Variants in USP47 observed in about 807,000 individuals in gnomAD.
The protein encoded by USP47 is ubiquitin specific peptidase 47, also known as ubiquitin carboxyl-terminal hydrolase 47.
In USP47, 35 loss-of-function variants were observed where a neutral mutation model predicts 165.1. The ratio of observed to expected loss-of-function variants is 0.21; its 90% CI spans 0.16 to 0.28. The LOEUF is 0.28. USP47 is among the 10% of genes least tolerant of loss of function. USP47 has a pLI of 1.00. For missense variants in USP47, 1,277 were observed against 1,607.4 expected (o/e 0.79, Z 3.52); for synonymous variants, 531 against 544.5 (o/e 0.98, Z 0.35).
At chr11:11,938,220 A>AC (rs1462678652) in intron 17 of USP47, 37 bp from the exon 18 acceptor site, 1 of 1,567,774 alleles carries the variant, frequency 6.4e-7, no homozygotes, top group East Asian at 2.2e-5. Context: ...TTAAAAAATA[A>AC]CCTCCAATTC....
chr11:11,880,215 T>C lies in USP47; in HGVS notation c.78T>C (p.Ile26=), dbSNP rs923513175. ...CTGAAGAACCTAGAGTCTTATGTATTATACAAGATACTACTAATTCAAAGA... is the reference window on the plus strand; with the variant it reads ...CTGAAGAACCTAGAGTCTTATGTATCATACAAGATACTACTAATTCAAAGA... The part of the protein sequence containing the change: ...NAAEEPRVLC[I]IQDTTNSKTV... The change falls in exon 2 of 28, where the codon ATT becomes ATC. Residue 26 remains isoleucine (I), a synonymous_variant. Coordinates refer to ENST00000527733, the MANE Select transcript of USP47 (RefSeq NM_001282659.2). The C allele has an allele frequency of 7.5e-6, 11 of 1,469,362 alleles. No individual in the cohort carries two copies. Among genetic ancestry groups the C allele is most frequent in the Non-Finnish European group, 8.9e-6 (10 of 1,121,786 alleles). The allele number at this position is 1,469,362 out of a possible 1,614,324, so 91.0% of individuals were successfully genotyped here.
rs536953221 is a variant in USP47 at position 11,955,932 on chromosome 11, A to AT, written c.3894-67dup. The AT allele has an allele frequency of 3.0e-3, 3,745 of 1,235,118 alleles. 13 individuals carry two copies. The highest frequency in any genetic ancestry group is 3.5e-3 in the Non-Finnish European group (3,162 of 896,670). 76.5% of individuals were successfully genotyped at this position (1,235,118 alleles called of 1,614,324 possible). ...TTATCTTGCTGAGGAGCATCATAGC[A>AT]TTCAAGCATACATTAATAGAGGTGG... is the stretch of plus-strand genomic sequence containing the variant. On this transcript the variant is annotated intron_variant, in intron 27 of 27. Coordinates refer to ENST00000527733, the MANE Select transcript of USP47 (RefSeq NM_001282659.2).
intron 8 of USP47, 41 bp from the exon 9 acceptor site, chr11:11,920,112 TATA>T (rs753425959): frequency 8.7e-6 from 12 of 1,378,972 alleles, no homozygotes; most frequent in Non-Finnish European, 1.9e-6. Flanking sequence ...TTGTCATTAA[TATA>T]ATATTTTAAG....
chr11:11,882,437 GT>G (rs1033170009), intron 2 of USP47, among the ~76,000 whole-genome samples: 2 of 151,908 alleles, frequency 1.3e-5, no homozygotes, highest in African/African-American at 4.8e-5. Context: ...TAATATATTT[GT>G]TTTTTTAAAA....
intron 8 of USP47, among the ~76,000 whole-genome samples, chr11:11,915,134 A>C (rs573896882): frequency 6.6e-6 from 1 of 152,344 alleles, no homozygotes; most frequent in East Asian, 1.9e-4. Context: ...CAAACCATGA[A>C]ATAGTACTTA....
chr11:11,860,573 A>G (rs968720003), intron 1 of USP47, among the ~76,000 whole-genome samples: 6 of 152,352 alleles, frequency 3.9e-5, no homozygotes, highest in Non-Finnish European at 2.9e-5. Context: ...AATAAAATGC[A>G]TGGTAACAGA....
At chr11:11,945,655 G>C (rs547148532) in intron 20 of USP47, among the ~76,000 whole-genome samples, 13 of 150,320 alleles carry the variant, frequency 8.6e-5, no homozygotes, top group African/African-American at 3.0e-4. Flanking sequence ...AATTCGTAAG[G>C]GTCAGTTACA....
intron 2 of USP47, among the ~76,000 whole-genome samples, chr11:11,881,841 C>T (rs967416205): frequency 6.6e-6 from 1 of 152,100 alleles, no homozygotes; most frequent in African/African-American, 2.4e-5. Flanking sequence ...GAGACCTAAT[C>T]AGCTCCTAAG....
chr11:11,944,788 A>G (rs1460380213), intron 20 of USP47, among the ~76,000 whole-genome samples: 2 of 152,196 alleles, frequency 1.3e-5, no homozygotes, highest in East Asian at 3.9e-4. Context: ...TCAACCCATC[A>G]AGGACATTAG....
Position 11,949,950 on chromosome 11 carries a change from A to G in USP47, c.3410A>G (p.Glu1137Gly). 1 of 1,613,148 alleles carries G rather than the reference A, an allele frequency of 6.2e-7. No individual in the cohort carries two copies. Among genetic ancestry groups the G allele is most frequent in the East Asian group, 2.2e-5 (1 of 44,776 alleles). The change falls in exon 23 of 28, where the codon GAG becomes GGG. Residue 1137 changes from glutamate (E) to glycine (G), a missense_variant. Physicochemically the swap from Glu to Gly is moderately conservative, Grantham distance 98. This residue lies in a region of USP47 where 909 missense variants were observed against 1,068.1 expected (regional missense o/e 0.85). Coordinates refer to ENST00000527733, the MANE Select transcript of USP47 (RefSeq NM_001282659.2). ...AKGMTVRQSKEELIPQLREQC... is the reference protein window; with the variant it reads ...AKGMTVRQSKGELIPQLREQC... ...GGAATGACTGTACGGCAATCAAAAG[A>G]GGAATTAATTCCTCAGCTCAGGGAG...
At chr11:11,946,957 A>G (rs527594604) in intron 20 of USP47, among the ~76,000 whole-genome samples, 79 of 152,306 alleles carry the variant, frequency 5.2e-4, no homozygotes, top group South Asian at 3.5e-3. Flanking sequence ...TGACATGGGA[A>G]TGTTGGTTTA....
intron 2 of USP47, among the ~76,000 whole-genome samples, chr11:11,881,549 T>G (rs1279721601): frequency 3.3e-5 from 5 of 152,140 alleles, no homozygotes. Flanking sequence ...TTCCCCTTAG[T>G]TTTATTTTTC....
At chr11:11,945,130 T>G (rs1312874215) in intron 20 of USP47, among the ~76,000 whole-genome samples, 1 of 152,154 alleles carries the variant, frequency 6.6e-6, no homozygotes, top group Non-Finnish European at 1.5e-5. Flanking sequence ...AGAAAAGGTC[T>G]TGTTTGAAAA....
intron 5 of USP47, among the ~76,000 whole-genome samples, chr11:11,902,165 A>G (rs1852273199): frequency 6.6e-6 from 1 of 152,170 alleles, no homozygotes; most frequent in Non-Finnish European, 1.5e-5. Flanking sequence ...TCATTTAACA[A>G]TTTGTTTAAA....
Position 11,936,508 on chromosome 11 carries a change from G to A in USP47, c.2075G>A (p.Gly692Glu). The change falls in exon 17 of 28, where the codon GGA becomes GAA. Residue 692 changes from glycine (G) to glutamate (E), a missense_variant and splice_region_variant. Gly to Glu is a moderately conservative substitution (Grantham distance 98). This residue lies in a region of USP47 where 909 missense variants were observed against 1,068.1 expected (regional missense o/e 0.85). Coordinates refer to ENST00000527733, the MANE Select transcript of USP47 (RefSeq NM_001282659.2). The stretch of plus-strand genomic sequence containing the variant: ...CAGGTTTTCCAATCTTATAAACCTG[G>A]AGGTGAGCAATTTTACACTATTTTT... ...PDQVFQSYKPGEVMVKVHVVD... is the reference protein window; with the variant it reads ...PDQVFQSYKPEEVMVKVHVVD... 7.0e-6 allele frequency: 11 copies of A among 1,574,470 alleles called. No individual in the cohort carries two copies. Among genetic ancestry groups the A allele is most frequent in the Non-Finnish European group, 9.5e-6 (11 of 1,155,914 alleles).
At chr11:11,930,598 G>GT in intron 13 of USP47, 98 bp from the exon 14 acceptor site, 3 of 933,282 alleles carry the variant, frequency 3.2e-6, no homozygotes, top group South Asian at 1.6e-5. Context: ...TTTTCTAATT[G>GT]TTTTTTAAAA....
At chr11:11,889,788 C>T (rs988865142) in intron 3 of USP47, among the ~76,000 whole-genome samples, 1 of 152,152 alleles carries the variant, frequency 6.6e-6, no homozygotes, top group Non-Finnish European at 1.5e-5. Flanking sequence ...AGGCATCATG[C>T]TACCCAAGTT....
At position 11,905,488 on chromosome 11, in the gene USP47, A is replaced by G. The variant is rs1334944466; in HGVS notation, c.909A>G (p.Thr303=). ...GTTATGAGGGCTGGCGAATCGACAC[A>G]TATCTTGATATTCCATTGGTCATCC... ...ECGYEGWRID[T]YLDIPLVIRP... is the part of the protein sequence containing the mutation. The change falls in exon 8 of 28, where the codon ACA becomes ACG. Residue 303 remains threonine (T), a synonymous_variant. Transcript: ENST00000527733. The G allele has an allele frequency of 4.3e-6, 7 of 1,609,978 alleles. No homozygotes were observed. Among genetic ancestry groups the G allele is most frequent in the East Asian group, 2.2e-5 (1 of 44,770 alleles).
chr11:11,896,662 C>T (rs1211412097), intron 4 of USP47, among the ~76,000 whole-genome samples: 1 of 152,182 alleles, frequency 6.6e-6, no homozygotes, highest in African/African-American at 2.4e-5. Context: ...TCAATCCCTG[C>T]TTTCACAGTC....
Sources: allele counts gnomAD v4.1 joint callset (sites outside exome capture counted in the v4.1 genomes callset), GRCh38; gene constraint gnomAD v4.1.1; regional missense constraint gnomAD v4.1.1; transcripts MANE v1.5; gene names NCBI Gene and HGNC (gene_info 2026-07-23, HGNC 2026-07-21).